PDE3A: variants seen among roughly 807,000 people sequenced by gnomAD.
PDE3A encodes the protein phosphodiesterase 3A.
Under a neutral mutation model 98.3 loss-of-function variants are expected in PDE3A, and 43 were observed. That is an observed-to-expected ratio of 0.44 (90% CI 0.34 to 0.56). PDE3A has a LOEUF of 0.56. PDE3A is among the 20% of genes least tolerant of loss of function. The probability of loss-of-function intolerance (pLI) is 0.01; values close to 1 mark genes in which losing one functional copy is unlikely to be tolerated. For synonymous variants in PDE3A, 663 were observed against 567.9 expected, an observed-to-expected ratio of 1.17 and a Z score of -2.38; for missense variants, 1,427 against 1,440.7, an observed-to-expected ratio of 0.99 and a Z score of 0.15.
Position 20,422,299 on chromosome 12 carries a change from G to A in PDE3A, c.960+52055G>A, listed in dbSNP as rs554852142. On this transcript the variant is annotated intron_variant, in intron 1 of 15. Coordinates refer to ENST00000359062, the MANE Select transcript of PDE3A (RefSeq NM_000921.5). ...GTGGAGCTTGCAGTGAGCCAAGATC[G>A]CACCACTGCACTCCAGCCTGGGCAA... is the stretch of plus-strand genomic sequence containing the variant. Among the ~76,000 whole-genome samples, 15 of 151,728 alleles carry A rather than the reference G, an allele frequency of 9.9e-5. No homozygotes were observed. In the South Asian group the frequency reaches 2.5e-3, roughly 25 times the overall value.
At chr12:20,484,414 C>T (rs541077892) in intron 1 of PDE3A, among the ~76,000 whole-genome samples, 1 of 152,228 alleles carries the variant, frequency 6.6e-6, no homozygotes, top group East Asian at 1.9e-4. Context: ...CAGTGTTCCC[C>T]CAAATCAACG....
At chr12:20,589,985 C>T (rs1463899191) in intron 2 of PDE3A, among the ~76,000 whole-genome samples, 1 of 151,546 alleles carries the variant, frequency 6.6e-6, no homozygotes, top group Non-Finnish European at 1.5e-5. Context: ...TACAGTGCAA[C>T]AGATCTAGTG....
intron 1 of PDE3A, among the ~76,000 whole-genome samples, chr12:20,473,726 G>A (rs181707049): frequency 3.3e-5 from 5 of 151,892 alleles, no homozygotes; most frequent in Admixed American, 2.0e-4. Context: ...TTTTGAACGC[G>A]TTAGAATCAT....
intron 1 of PDE3A, among the ~76,000 whole-genome samples, chr12:20,427,965 G>C (rs1293407858): frequency 6.6e-6 from 1 of 151,972 alleles, no homozygotes; most frequent in African/African-American, 2.4e-5. Flanking sequence ...CAGCACTTTG[G>C]GAGGCTGAGA....
intron 2 of PDE3A, among the ~76,000 whole-genome samples, chr12:20,564,176 C>G (rs1565590371): frequency 6.6e-6 from 1 of 152,116 alleles, no homozygotes; most frequent in Non-Finnish European, 1.5e-5. Flanking sequence ...TCCCTGGTCT[C>G]TACCTAGTAG....
chr12:20,513,578 G>T (rs1236068536), intron 1 of PDE3A, among the ~76,000 whole-genome samples: 1 of 152,060 alleles, frequency 6.6e-6, no homozygotes, highest in Non-Finnish European at 1.5e-5. Flanking sequence ...AGTTTTCCCA[G>T]TTGTATTAAT....
intron 1 of PDE3A, among the ~76,000 whole-genome samples, chr12:20,391,560 T>C (rs927575495): frequency 2.0e-5 from 3 of 151,586 alleles, no homozygotes; most frequent in African/African-American, 4.8e-5. Flanking sequence ...CTTGTGTTTA[T>C]ATATCATAGT....
chr12:20,528,252 G>A (rs1946563533), intron 1 of PDE3A, among the ~76,000 whole-genome samples: 1 of 152,160 alleles, frequency 6.6e-6, no homozygotes, highest in Non-Finnish European at 1.5e-5. Flanking sequence ...TCTTTTCAAT[G>A]CAGCCCTGCT....
chr12:20,369,738 C>T lies in PDE3A; in HGVS notation c.454C>T (p.Arg152Cys). The change falls in exon 1 of 16, where the codon CGC becomes TGC. Residue 152 changes from arginine (R) to cysteine (C), a missense_variant. Transcript: ENST00000359062. ...CTTCTGGATGGGCTTGTACCTCCTG[C>T]GCGCCGGGGTGCGCCTGCCTCTGGC... ...AFFWMGLYLL[R>C]AGVRLPLAVA... The T allele has an allele frequency of 6.2e-7, 1 of 1,612,220 alleles. No individual in the cohort carries two copies. Among genetic ancestry groups the T allele is most frequent in the Non-Finnish European group, 8.5e-7 (1 of 1,179,720 alleles).
chr12:20,631,670 C>T lies in PDE3A; in HGVS notation c.1760+1543C>T, dbSNP rs539219424. Among the ~76,000 whole-genome samples, 5 of 150,066 alleles carry T rather than the reference C, an allele frequency of 3.3e-5. No individual in the cohort carries two copies. In the South Asian group the frequency reaches 1.1e-3, roughly 32 times the overall value. On this transcript the variant is annotated intron_variant, in intron 6 of 15. Transcript: ENST00000359062. ...GAGAGAGATGTTCAGAAAAGCTCTA[C>T]CACTCACGCAGCTTTTTTCATCATA...
intron 1 of PDE3A, among the ~76,000 whole-genome samples, chr12:20,498,533 G>A (rs1945965323): frequency 6.6e-6 from 1 of 152,152 alleles, no homozygotes; most frequent in South Asian, 2.1e-4. Flanking sequence ...ACGGGAGAAT[G>A]TGCATAGGTT....
chr12:20,421,595 T>TA (rs1460026411), intron 1 of PDE3A, among the ~76,000 whole-genome samples: 5 of 139,540 alleles, frequency 3.6e-5, no homozygotes, highest in Admixed American at 7.0e-5. Flanking sequence ...GTTTTATTGG[T>TA]AATAAAAAAA....
At chr12:20,538,236 G>T (rs1175346923) in intron 1 of PDE3A, among the ~76,000 whole-genome samples, 1 of 152,076 alleles carries the variant, frequency 6.6e-6, no homozygotes, top group South Asian at 2.1e-4. Flanking sequence ...AGAGCTTAAT[G>T]GTGACATTTT....
At chr12:20,537,653 A>G (rs1322111338) in intron 1 of PDE3A, among the ~76,000 whole-genome samples, 1 of 152,118 alleles carries the variant, frequency 6.6e-6, no homozygotes, top group African/African-American at 2.4e-5. Context: ...TACTCTGAGC[A>G]CACAATATTA....
chr12:20,657,358 T>A (rs1387504824), intron 15 of PDE3A, among the ~76,000 whole-genome samples: 1 of 152,176 alleles, frequency 6.6e-6, no homozygotes, highest in Non-Finnish European at 1.5e-5. Context: ...GTAATGTTAA[T>A]ATCAGAATTC....
chr12:20,379,923 C>G (rs1259025436), intron 1 of PDE3A, among the ~76,000 whole-genome samples: 1 of 151,416 alleles, frequency 6.6e-6, no homozygotes, highest in Non-Finnish European at 1.5e-5. Context: ...TGAAAATAAC[C>G]AAAGCTACCA....
At chr12:20,541,513 A>C (rs1168259596) in intron 1 of PDE3A, among the ~76,000 whole-genome samples, 3 of 152,102 alleles carry the variant, frequency 2.0e-5, no homozygotes, top group Admixed American at 2.0e-4. Context: ...TGTGGTAGGA[A>C]TAGAGACAGA....
At chr12:20,621,907 C>T (rs868435532) in intron 5 of PDE3A, among the ~76,000 whole-genome samples, 3 of 152,024 alleles carry the variant, frequency 2.0e-5, no homozygotes. Flanking sequence ...GTTCAGGGTC[C>T]TTGCTCACCC....
intron 1 of PDE3A, among the ~76,000 whole-genome samples, chr12:20,515,755 C>T (rs958814226): frequency 7.4e-6 from 1 of 135,418 alleles, no homozygotes; most frequent in Non-Finnish European, 1.6e-5. Flanking sequence ...TATTTTGAGA[C>T]GGAGTCTCGC....
Sources: allele counts gnomAD v4.1 joint callset (sites outside exome capture counted in the v4.1 genomes callset), GRCh38; gene constraint gnomAD v4.1.1; transcripts MANE v1.5; gene names NCBI Gene and HGNC (gene_info 2026-07-23, HGNC 2026-07-21).